The following IL1RAPL2 variants were observed in gnomAD, a reference collection of about 807,000 sequenced individuals.
The protein encoded by IL1RAPL2 is interleukin 1 receptor accessory protein like 2, also known as X-linked interleukin-1 receptor accessory protein-like 2.
A neutral mutation model predicts 44.1 loss-of-function variants in IL1RAPL2; 3 were observed. That is an observed-to-expected ratio of 0.07 (90% CI 0.03 to 0.18). IL1RAPL2 has a LOEUF of 0.18. Among genes scored for constraint, IL1RAPL2 ranks in the 10% least tolerant of loss-of-function variants. IL1RAPL2 has a pLI of 1.00. For synonymous variants in IL1RAPL2, 181 were observed against 178.8 expected, an observed-to-expected ratio of 1.01 and a Z score of -0.10; for missense variants, 391 against 496.4, an observed-to-expected ratio of 0.79 and a Z score of 2.02.
chrX:105,059,967 T>C (rs963997579), intron 2 of IL1RAPL2, among the ~76,000 whole-genome samples: 5 of 112,367 alleles, frequency 4.4e-5, no homozygotes, highest in Non-Finnish European at 7.5e-5. Context: ...TGGGTATACC[T>C]AACAATGGGA....
intron 2 of IL1RAPL2, among the ~76,000 whole-genome samples, chrX:105,044,515 C>T (rs1252270499): frequency 3.6e-5 from 4 of 111,313 alleles, no homozygotes; most frequent in Non-Finnish European, 5.7e-5. Context: ...CTCAGCTGAC[C>T]TTGGGAAAGC....
chrX:105,004,089 G>T, intron 2 of IL1RAPL2, among the ~76,000 whole-genome samples: 1 of 110,775 alleles, frequency 9.0e-6, no homozygotes, highest in African/African-American at 3.3e-5. Flanking sequence ...ACACATAAAA[G>T]ATGTTTATAG....
chrX:105,487,232 T>C (rs1464787672), intron 6 of IL1RAPL2, among the ~76,000 whole-genome samples: 3 of 111,534 alleles, frequency 2.7e-5, no homozygotes, highest in Non-Finnish European at 5.6e-5. Flanking sequence ...TTGAAAAGTA[T>C]TGATCCAAAG....
chrX:104,931,454 G>GA (rs1924897152), intron 2 of IL1RAPL2, among the ~76,000 whole-genome samples: 3 of 108,144 alleles, frequency 2.8e-5, no homozygotes. Flanking sequence ...TTGGTGCATT[G>GA]AAAAAACAAG....
chrX:104,729,447 C>CTTTTTTTTTTTTTTTTTTTTTT, intron 2 of IL1RAPL2, among the ~76,000 whole-genome samples: 1 of 46,481 alleles, frequency 2.2e-5, no homozygotes, highest in Non-Finnish European at 4.0e-5. Flanking sequence ...GGCCTGCTGC[C>CTTTTTTTTTTTTTTTTTTTTTT]TTTTTTTTTT....
At chrX:104,967,125 A>G (rs1006388052) in intron 2 of IL1RAPL2, among the ~76,000 whole-genome samples, 1 of 111,957 alleles carries the variant, frequency 8.9e-6, no homozygotes, top group Non-Finnish European at 1.9e-5. Context: ...TCTCAAGAAC[A>G]TATGGGATAT....
chrX:104,791,206 C>T (rs1444798932), intron 2 of IL1RAPL2, among the ~76,000 whole-genome samples: 2 of 105,011 alleles, frequency 1.9e-5, no homozygotes, highest in Non-Finnish European at 1.9e-5. Context: ...CTGCCCTTCC[C>T]TTCCCTCTCC....
chrX:105,031,406 G>A (rs1315538283), intron 2 of IL1RAPL2, among the ~76,000 whole-genome samples: 1 of 111,293 alleles, frequency 9.0e-6, no homozygotes, highest in East Asian at 2.8e-4. Flanking sequence ...TTACTATTTT[G>A]AGATATGTTC....
chrX:104,783,865 A>T (rs1393813064), intron 2 of IL1RAPL2, among the ~76,000 whole-genome samples: 1 of 109,954 alleles, frequency 9.1e-6, no homozygotes, highest in East Asian at 2.8e-4. Flanking sequence ...ATTTAATGGG[A>T]ACCTTTCTTG....
At chrX:105,631,216 A>C (rs1183522001) in intron 6 of IL1RAPL2, among the ~76,000 whole-genome samples, 1 of 112,000 alleles carries the variant, frequency 8.9e-6, no homozygotes, top group African/African-American at 3.2e-5. Flanking sequence ...GTATCCTTTA[A>C]AATGACACAT....
intron 2 of IL1RAPL2, among the ~76,000 whole-genome samples, chrX:104,897,669 G>T (rs1923694533): frequency 8.9e-6 from 1 of 112,087 alleles, no homozygotes; most frequent in South Asian, 3.7e-4. Context: ...ACAGGGACAA[G>T]GAATAAAAAC....
At chrX:105,204,713 A>T (rs782582994) in intron 3 of IL1RAPL2, among the ~76,000 whole-genome samples, 2 of 111,663 alleles carry the variant, frequency 1.8e-5, no homozygotes, top group Non-Finnish European at 3.8e-5. Context: ...CTGGAGCTGG[A>T]CTGCTTGGAG....
At chrX:104,880,077 T>C (rs1444854449) in intron 2 of IL1RAPL2, among the ~76,000 whole-genome samples, 1 of 48,518 alleles carries the variant, frequency 2.1e-5, no homozygotes, top group East Asian at 7.8e-4. Context: ...GTTTTGCAAT[T>C]TTTTTTTATC....
chrX:104,617,560 T>C (rs1929304308), intron 1 of IL1RAPL2, among the ~76,000 whole-genome samples: 1 of 112,076 alleles, frequency 8.9e-6, no homozygotes, highest in Non-Finnish European at 1.9e-5. Flanking sequence ...TGTTCTTGTA[T>C]TTATTTTATT....
intron 1 of IL1RAPL2, among the ~76,000 whole-genome samples, chrX:104,602,487 C>T (rs1195338762): frequency 9.0e-6 from 1 of 111,430 alleles, no homozygotes; most frequent in African/African-American, 3.3e-5. Context: ...GAATCAATTA[C>T]TCCCCTGGAA....
chrX:105,302,923 G>T (rs965393578), intron 5 of IL1RAPL2, among the ~76,000 whole-genome samples: 2 of 112,004 alleles, frequency 1.8e-5, no homozygotes, highest in Non-Finnish European at 3.8e-5. Context: ...GCTTCTGACC[G>T]CTGGGTTGGA....
intron 2 of IL1RAPL2, among the ~76,000 whole-genome samples, chrX:104,741,686 CAAG>C (rs768709945): frequency 5.8e-4 from 64 of 110,564 alleles, no homozygotes; most frequent in African/African-American, 1.5e-3. Flanking sequence ...GAAGCAAAAT[CAAG>C]AAGAAGTTTG....
intron 6 of IL1RAPL2, among the ~76,000 whole-genome samples, chrX:105,487,297 C>T (rs1157120663): frequency 9.0e-6 from 1 of 111,031 alleles, no homozygotes; most frequent in Non-Finnish European, 1.9e-5. Context: ...CTGGGTGTAA[C>T]ACCTGTATGT....
intron 2 of IL1RAPL2, among the ~76,000 whole-genome samples, chrX:105,033,777 C>A (rs2031563219): frequency 8.9e-6 from 1 of 111,861 alleles, no homozygotes; most frequent in Non-Finnish European, 1.9e-5. Context: ...ACCTGCCTTG[C>A]TAGATTGGGG....
Sources: allele counts gnomAD v4.1 joint callset (sites outside exome capture counted in the v4.1 genomes callset), GRCh38; gene constraint gnomAD v4.1.1; transcripts MANE v1.5; gene names NCBI Gene and HGNC (gene_info 2026-07-23, HGNC 2026-07-21).